AGBL4: variants seen among roughly 807,000 people sequenced by gnomAD.
AGBL4 encodes the protein AGBL carboxypeptidase 4, also known as cytosolic carboxypeptidase 6.
AGBL4 carries 58 observed loss-of-function variants against 66.4 expected under a neutral mutation model. That is an observed-to-expected ratio of 0.87 (90% CI 0.71 to 1.09). The LOEUF is 1.09. Among genes scored for constraint, AGBL4 ranks in the 50% least tolerant of loss-of-function variants. AGBL4 has a pLI of 0.00. For missense variants in AGBL4, 579 were observed against 631.0 expected, an observed-to-expected ratio of 0.92 and a Z score of 0.88; for synonymous variants, 234 against 222.9, an observed-to-expected ratio of 1.05 and a Z score of -0.44.
chr1:48,865,211 A>G (rs1199717481), intron 6 of AGBL4, among the ~76,000 whole-genome samples: 1 of 152,156 alleles, frequency 6.6e-6, no homozygotes, highest in Admixed American at 6.5e-5. Context: ...TGATAGCACA[A>G]GATAGTGAAT....
intron 3 of AGBL4, among the ~76,000 whole-genome samples, chr1:49,579,746 G>A (rs1644506182): frequency 6.6e-6 from 1 of 152,136 alleles, no homozygotes; most frequent in South Asian, 2.1e-4. Flanking sequence ...TGATCCACCT[G>A]CCTAGGCCTC....
At chr1:48,675,543 T>C (rs527479692) in intron 6 of AGBL4, among the ~76,000 whole-genome samples, 3 of 152,332 alleles carry the variant, frequency 2.0e-5, no homozygotes, top group Admixed American at 1.3e-4. Context: ...TGGCATGCAA[T>C]AGTCCTCAAT....
chr1:48,593,663 C>T (rs1204546282), intron 9 of AGBL4, among the ~76,000 whole-genome samples: 1 of 151,816 alleles, frequency 6.6e-6, no homozygotes, highest in Non-Finnish European at 1.5e-5. Context: ...AGGCAGGAGA[C>T]CCGCTTGAAC....
At chr1:49,061,514 G>A (rs1448616911) in intron 4 of AGBL4, among the ~76,000 whole-genome samples, 2 of 152,116 alleles carry the variant, frequency 1.3e-5, no homozygotes, top group African/African-American at 4.8e-5. Context: ...ACTGAAGAAC[G>A]ATATGGCACA....
chr1:49,710,397 T>C (rs759665101), intron 2 of AGBL4, among the ~76,000 whole-genome samples: 3 of 151,860 alleles, frequency 2.0e-5, no homozygotes, highest in Non-Finnish European at 4.4e-5. Flanking sequence ...AATGAGACCA[T>C]ATGGGTACAG....
intron 5 of AGBL4, among the ~76,000 whole-genome samples, chr1:48,892,600 G>C (rs112000858): frequency 1.4e-3 from 212 of 152,286 alleles, no homozygotes; most frequent in Admixed American, 5.4e-3. Flanking sequence ...CTTGAAGCGG[G>C]GAGGGGGCTT....
At chr1:48,885,968 G>C (rs1032133241) in intron 5 of AGBL4, among the ~76,000 whole-genome samples, 3 of 152,208 alleles carry the variant, frequency 2.0e-5, no homozygotes, top group African/African-American at 7.2e-5. Flanking sequence ...GACAACTGCT[G>C]AGTTCCTCAT....
chr1:49,476,861 C>T (rs1646857201), intron 3 of AGBL4, among the ~76,000 whole-genome samples: 1 of 152,024 alleles, frequency 6.6e-6, no homozygotes, highest in Admixed American at 6.6e-5. Context: ...CCAGGCATGG[C>T]AGCATTCACC....
chr1:49,294,952 T>C (rs1391089911), intron 3 of AGBL4, among the ~76,000 whole-genome samples: 2 of 152,356 alleles, frequency 1.3e-5, no homozygotes, highest in East Asian at 3.9e-4. Context: ...GGATAAGACT[T>C]TATTTTTCTT....
chr1:49,539,614 A>C (rs1651855210), intron 3 of AGBL4, among the ~76,000 whole-genome samples: 1 of 152,210 alleles, frequency 6.6e-6, no homozygotes, highest in Admixed American at 6.5e-5. Flanking sequence ...AAGTATCTGC[A>C]TAATAAACCC....
chr1:49,537,646 T>TG (rs1371283127), intron 3 of AGBL4, among the ~76,000 whole-genome samples: 1 of 152,156 alleles, frequency 6.6e-6, no homozygotes, highest in South Asian at 2.1e-4. Flanking sequence ...GTCAGCAGGC[T>TG]GGGCATGGTG....
intron 5 of AGBL4, among the ~76,000 whole-genome samples, chr1:48,912,839 T>C (rs1308044460): frequency 6.6e-6 from 1 of 152,016 alleles, no homozygotes; most frequent in Non-Finnish European, 1.5e-5. Context: ...GACCAGCCTA[T>C]GAAAGGAGTA....
At chr1:49,234,208 A>G (rs1381645920) in intron 4 of AGBL4, among the ~76,000 whole-genome samples, 1 of 152,188 alleles carries the variant, frequency 6.6e-6, no homozygotes, top group Non-Finnish European at 1.5e-5. Flanking sequence ...ATAGGCAGGC[A>G]CTGGGACACG....
chr1:49,081,576 G>T (rs1166698899), intron 4 of AGBL4, among the ~76,000 whole-genome samples: 1 of 152,132 alleles, frequency 6.6e-6, no homozygotes, highest in East Asian at 1.9e-4. Context: ...TCTACTTAAG[G>T]ATATCTTTTA....
At chr1:49,599,424 G>A (rs552328269) in intron 3 of AGBL4, among the ~76,000 whole-genome samples, 16 of 152,138 alleles carry the variant, frequency 1.1e-4, no homozygotes, top group Admixed American at 7.9e-4. Context: ...ATGGTAGTTT[G>A]TATTTCTGTG....
At chr1:49,655,236 T>C (rs1042644900) in intron 3 of AGBL4, among the ~76,000 whole-genome samples, 29 of 152,170 alleles carry the variant, frequency 1.9e-4, no homozygotes, top group African/African-American at 6.5e-4. Context: ...GTTGAAAATT[T>C]TTTTCTTTAA....
At chr1:49,652,086 A>G (rs915931874) in intron 3 of AGBL4, among the ~76,000 whole-genome samples, 15 of 152,124 alleles carry the variant, frequency 9.9e-5, no homozygotes, top group African/African-American at 3.6e-4. Context: ...GACCAAGCAT[A>G]AGGAAGAATT....
At chr1:48,627,014 G>A (rs1014704143) in intron 9 of AGBL4, among the ~76,000 whole-genome samples, 4 of 152,028 alleles carry the variant, frequency 2.6e-5, no homozygotes, top group African/African-American at 7.3e-5. Context: ...TGATGTGTAC[G>A]TGGGGTGTAT....
intron 5 of AGBL4, among the ~76,000 whole-genome samples, chr1:48,893,710 A>AT (rs1215389407): frequency 1.3e-5 from 2 of 151,688 alleles, no homozygotes; most frequent in African/African-American, 2.4e-5. Flanking sequence ...AAATAAAAAG[A>AT]TAAAAAAGAC....
Sources: gnomAD v4.1 joint callset for allele counts (sites outside exome capture counted in the v4.1 genomes callset) on GRCh38, gnomAD v4.1.1 for gene constraint, MANE v1.5 for transcripts, NCBI Gene and HGNC (gene_info 2026-07-23, HGNC 2026-07-21) for gene names.